ARAP1: variants seen among roughly 807,000 people sequenced by gnomAD.
ARAP1 encodes the protein ArfGAP with RhoGAP domain, ankyrin repeat and PH domain 1, also known as arf-GAP with Rho-GAP domain, ANK repeat and PH domain-containing protein 1.
In ARAP1, 76 loss-of-function variants were observed where a neutral mutation model predicts 172.2. That is an observed-to-expected ratio of 0.44 (90% CI 0.37 to 0.53). The LOEUF (loss-of-function observed/expected upper bound fraction) is 0.53. Ranked by LOEUF, ARAP1 falls within the 20% of genes least tolerant of loss-of-function variation. The pLI is 0.00. For missense variants in ARAP1, 1,686 were observed against 1,977.5 expected, an observed-to-expected ratio of 0.85 and a Z score of 2.80; for synonymous variants, 804 against 803.3, an observed-to-expected ratio of 1.00 and a Z score of -0.01.
At position 72,695,519 on chromosome 11, in the gene ARAP1, C is replaced by T. The variant is rs1405643474; in HGVS notation, c.3507+23G>A. 8 of 1,614,160 alleles carry T rather than the reference C, an allele frequency of 5.0e-6. No individual in the cohort carries two copies. Among genetic ancestry groups the T allele is most frequent in the Admixed American group, 1.7e-5 (1 of 60,034 alleles). ...GGGTGCAGGTGGCAGGTCCAAGCCC[C>T]CCACCCAGGCTCCAGCCTTCACCTG... On this transcript the variant is annotated intron_variant, in intron 25 of 34. Transcript: ENST00000393609. The surrounding 1 kb of genome is among the most constrained non-coding windows in gnomAD (Gnocchi z 4.4).
intron 5 of ARAP1, 46 bp from the exon 6 acceptor site, chr11:72,712,614 G>T: frequency 6.2e-7 from 1 of 1,607,954 alleles, no homozygotes. Context: ...TCAAGCCACA[G>T]ATCACACCCA....
At chr11:72,739,521 C>T (rs1328949357) in intron 1 of ARAP1, among the ~76,000 whole-genome samples, 1 of 152,168 alleles carries the variant, frequency 6.6e-6, no homozygotes, top group African/African-American at 2.4e-5. Flanking sequence ...CCCTCCCCAC[C>T]CAGTATGCAA....
rs147141618 is a variant in ARAP1, at chr11:72,736,484, C to T, written c.-127-3887G>A. ...CTCACTTGCTCTACCCTAATCCAAGCCCTAGTTTGGAGGTTTAAGCCCCTC... is the reference window on the plus strand; with the variant it reads ...CTCACTTGCTCTACCCTAATCCAAGTCCTAGTTTGGAGGTTTAAGCCCCTC... On this transcript the variant is annotated intron_variant, in intron 1 of 34. Transcript: ENST00000393609. Among the ~76,000 whole-genome samples the T allele has an allele frequency of 4.3e-3, 653 of 152,230 alleles. 5 individuals are homozygous for T. The highest frequency in any genetic ancestry group is 0.015 in the African/African-American group (609 of 41,520).
chr11:72,693,401 C>T lies in ARAP1; in HGVS notation c.3878G>A (p.Gly1293Asp). The change falls in exon 29 of 35, where the codon GGC becomes GAC. Residue 1293 changes from glycine to aspartate, a missense_variant. By Grantham distance (94) the Gly-to-Asp change is moderately conservative. Coordinates refer to ENST00000393609, the MANE Select transcript of ARAP1 (RefSeq NM_001040118.3). The surrounding 1 kb of genome is among the most constrained non-coding windows in gnomAD (Gnocchi z 4.6). The part of the protein sequence containing the change: ...FREDRSLLGL[G>D]LPSGGFHDRY... ...ATCGTGGAAGCCACCTGAGGGCAGG[C>T]CCAGGCCCAGGAGGCTGCGGTCCTC... is the stretch of plus-strand genomic sequence containing the variant. 2 of 1,613,904 alleles carry T rather than the reference C, an allele frequency of 1.2e-6. No homozygotes were observed. The highest frequency in any genetic ancestry group is 8.5e-7 in the Non-Finnish European group (1 of 1,179,852).
At chr11:72,745,906 C>T (rs111331061) in intron 1 of ARAP1, among the ~76,000 whole-genome samples, 18 of 152,282 alleles carry the variant, frequency 1.2e-4, no homozygotes, top group African/African-American at 4.3e-4. Flanking sequence ...CAGGCCCAGA[C>T]AGCACGGGAA....
At chr11:72,734,664 G>C (rs1014830584) in intron 1 of ARAP1, among the ~76,000 whole-genome samples, 4 of 152,158 alleles carry the variant, frequency 2.6e-5, no homozygotes, top group Admixed American at 6.5e-5. Flanking sequence ...GATAAAGGGA[G>C]GTTAAACAAC....
intron 1 of ARAP1, among the ~76,000 whole-genome samples, chr11:72,742,578 C>T (rs191380152): frequency 9.2e-5 from 14 of 152,190 alleles, no homozygotes; most frequent in African/African-American, 3.1e-4. Flanking sequence ...CTGAGAAGGG[C>T]CTTGAAGGCC....
rs930982175 is a variant in ARAP1 at position 72,693,201 on chromosome 11, C to A, written c.3954+124G>T. 105 of 1,389,638 alleles carry A rather than the reference C, an allele frequency of 7.6e-5. 7 individuals carry two copies. In the South Asian group the frequency reaches 1.4e-3, roughly 18 times the overall value. The allele number at this position is 1,389,638 out of a possible 1,614,324, so 86.1% of individuals were successfully genotyped here. ...GTCTTGAGAGTCTACAGTTCTCCCC[C>A]ACTGCTGTGCCATCCTGAGAGCCTG... On this transcript the variant is annotated intron_variant, in intron 29 of 34. Transcript: ENST00000393609. The surrounding 1 kb of genome is among the most constrained non-coding windows in gnomAD (Gnocchi z 4.6).
rs1366576872 is a variant in ARAP1 at position 72,705,828 on chromosome 11, C to T, written c.1786G>A (p.Val596Met). The change falls in exon 13 of 35, where the codon GTG becomes ATG. Residue 596 changes from valine (V) to methionine (M), a missense_variant. Coordinates refer to ENST00000393609, the MANE Select transcript of ARAP1 (RefSeq NM_001040118.3). ...ACCTCGATAAGTGTTTCTGTCCACA[C>T]CTTCCTGTCCATCTTCAGGCTCCGC... The part of the protein sequence containing the change: ...KVRSLKMDRK[V>M]WTETLIELFL... 1.2e-6 allele frequency: 2 copies of T among 1,614,040 alleles called. No individual in the cohort carries two copies. The highest frequency in any genetic ancestry group is 1.7e-6 in the Non-Finnish European group (2 of 1,180,006).
chr11:72,685,388 C>T lies in ARAP1; in HGVS notation c.*276G>A. On this transcript the variant is annotated 3_prime_UTR_variant, in exon 35 of 35. Coordinates refer to ENST00000393609, the MANE Select transcript of ARAP1 (RefSeq NM_001040118.3). The stretch of plus-strand genomic sequence containing the variant: ...CCTGACTTATGCCCATCTCTCCAGC[C>T]CCACAAGGACAGTGAACCCGGTGGG... The T allele has an allele frequency of 1.8e-6, 1 of 540,732 alleles. No individual in the cohort carries two copies. The highest frequency in any genetic ancestry group is 3.2e-5 in the East Asian group (1 of 31,458). 33.5% of individuals were successfully genotyped at this position (540,732 alleles called of 1,614,324 possible).
Position 72,719,743 on chromosome 11 carries a change from C to A in ARAP1, c.510-5422G>T, listed in dbSNP as rs1857431257. Among the ~76,000 whole-genome samples the A allele has an allele frequency of 2.0e-5, 3 of 152,166 alleles. No homozygotes were observed. In the South Asian group the frequency reaches 6.2e-4, roughly 32 times the overall value. ...AGAGAAGGAAGGCCACAGAGTGGAG[C>A]AGTCTGCATATCTCAGGCTGACCCT... On this transcript the variant is annotated intron_variant, in intron 3 of 34. Transcript: ENST00000393609.
In ARAP1 at chr11:72,714,228, C is replaced by A. The variant is rs771613442; in HGVS notation, c.603G>T (p.Gly201=). The A allele has an allele frequency of 1.3e-6, 2 of 1,522,532 alleles. No homozygotes were observed. The highest frequency in any genetic ancestry group is 1.8e-6 in the Non-Finnish European group (2 of 1,138,634). 94.3% of individuals were successfully genotyped at this position (1,522,532 alleles called of 1,614,324 possible). Residue 201 remains glycine (G), a synonymous_variant, in exon 4 of 35, where the codon GGG becomes GGT. Transcript: ENST00000393609. ...GAGGTGGAGAGGGAGGCTGGGGAGG[C>A]CCCTGGGGGAGGGTGGACAGGGGCT... The part of the protein sequence containing the change: ...SEEPLSTLPQ[G]PPQPPSPPPC...
chr11:72,695,478 T>C lies in ARAP1; in HGVS notation c.3508-23A>G. ...ATGCTGCAGGGAGACAGGGCTCAGC[T>C]GGGGGCCTAGGAAATGGGTGCAGGT... On this transcript the variant is annotated intron_variant, in intron 25 of 34. Transcript: ENST00000393609. This position sits in a 1 kb window ranked among gnomAD's most constrained non-coding sequence, Gnocchi z 4.4. 2 of 1,614,200 alleles carry C rather than the reference T, an allele frequency of 1.2e-6. No individual in the cohort carries two copies. Among genetic ancestry groups the C allele is most frequent in the Non-Finnish European group, 1.7e-6 (2 of 1,180,026 alleles).
At position 72,693,720 on chromosome 11, in the gene ARAP1, C is replaced by T. The variant is rs1856042411; in HGVS notation, c.3780G>A (p.Gln1260=). 1 of 1,609,820 alleles carries T rather than the reference C, an allele frequency of 6.2e-7. No homozygotes were observed. Among genetic ancestry groups the T allele is most frequent in the Non-Finnish European group, 8.5e-7 (1 of 1,178,078 alleles). The part of the protein sequence containing the change: ...TDSHLVVKKH[Q]AMEAMLLYLA... ...GGTACAGCAGCATGGCCTCCATGGC[C>T]TGGTGCTTCTTCACCACCAGGTGGC... is the stretch of plus-strand genomic sequence containing the variant. Residue 1260 remains glutamine (Q), a synonymous_variant, in exon 28 of 35, where the codon CAG becomes CAA. Coordinates refer to ENST00000393609, the MANE Select transcript of ARAP1 (RefSeq NM_001040118.3). This position sits in a 1 kb window ranked among gnomAD's most constrained non-coding sequence, Gnocchi z 4.6.
Position 72,741,174 on chromosome 11 carries a change from A to C in ARAP1, c.-127-8577T>G, listed in dbSNP as rs2135589860. Among the ~76,000 whole-genome samples, 1 of 151,456 alleles carries C rather than the reference A, an allele frequency of 6.6e-6. No individual in the cohort carries two copies. The highest frequency in any genetic ancestry group is 2.1e-4 in the South Asian group (1 of 4,796). On this transcript the variant is annotated intron_variant, in intron 1 of 34. Coordinates refer to ENST00000393609, the MANE Select transcript of ARAP1 (RefSeq NM_001040118.3). This position sits in a 1 kb window ranked among gnomAD's most constrained non-coding sequence, Gnocchi z 4.5. Reference sequence around the variant, plus strand: ...TTGGGCACACCCCTGCCCTGCATCCACACTGCCCCCATTCAACCCAGGCCC... The same window carrying C: ...TTGGGCACACCCCTGCCCTGCATCCCCACTGCCCCCATTCAACCCAGGCCC...
At chr11:72,692,548 T>C (rs544231938) in intron 30 of ARAP1, among the ~76,000 whole-genome samples, 4 of 152,260 alleles carry the variant, frequency 2.6e-5, no homozygotes, top group South Asian at 4.1e-4. Context: ...AGGAACCCTA[T>C]ATTGGGGAAA....
At chr11:72,744,305 C>T (rs538753628) in intron 1 of ARAP1, among the ~76,000 whole-genome samples, 2 of 152,164 alleles carry the variant, frequency 1.3e-5, no homozygotes, top group Non-Finnish European at 2.9e-5. Context: ...GAACATTTCC[C>T]AATTTTACAC....
chr11:72,724,314 C>T (rs1857625805), intron 3 of ARAP1, among the ~76,000 whole-genome samples: 1 of 152,114 alleles, frequency 6.6e-6, no homozygotes, highest in South Asian at 2.1e-4. Flanking sequence ...CTGGAGATGA[C>T]CGGCCTCAGC....
chr11:72,698,870 G>T, intron 18 of ARAP1, 135 bp downstream of exon 18: 1 of 927,502 alleles, frequency 1.1e-6, no homozygotes, highest in Non-Finnish European at 1.7e-6. Flanking sequence ...GGTGGGACAG[G>T]CCCGCTCCAT....
Sources: allele counts gnomAD v4.1 joint callset (sites outside exome capture counted in the v4.1 genomes callset), GRCh38; gene constraint gnomAD v4.1.1; non-coding constraint Gnocchi (gnomAD v3.1); transcripts MANE v1.5; gene names NCBI Gene and HGNC (gene_info 2026-07-23, HGNC 2026-07-21).